Variants in ANKRD29 observed in about 807,000 individuals in gnomAD.
The protein encoded by ANKRD29 is ankyrin repeat domain 29, also known as ankyrin repeat domain-containing protein 29.
A neutral mutation model predicts 38.0 loss-of-function variants in ANKRD29; 32 were observed. The ratio of observed to expected loss-of-function variants is 0.84; its 90% CI spans 0.64 to 1.13. The LOEUF (loss-of-function observed/expected upper bound fraction) is 1.13, where lower values mean the gene tolerates loss of function less well. ANKRD29 is among the 50% of genes most tolerant of loss of function. The pLI is 0.00. For missense variants in ANKRD29, 357 were observed against 377.9 expected (o/e 0.94, Z 0.46); for synonymous variants, 135 against 152.4 (o/e 0.89, Z 0.84).
rs145970708 is a variant in ANKRD29, at chr18:23,662,896, G to A, written c.-166C>T. ...CAGCAGCCGCCGCACACAGGGCCGG[G>A]CCGAAGGGGCGGCGCGGGGGCGCGC... On this transcript the variant is annotated 5_prime_UTR_variant, in exon 1 of 10. Coordinates refer to ENST00000592179, the MANE Select transcript of ANKRD29 (RefSeq NM_173505.4). 1,396 of 457,920 alleles carry A rather than the reference G, an allele frequency of 3.0e-3. 9 individuals carry two copies. Among genetic ancestry groups the A allele is most frequent in the Admixed American group, 3.9e-3 (62 of 15,826 alleles). 28.4% of individuals were successfully genotyped at this position (457,920 alleles called of 1,614,324 possible). A position where few individuals can be genotyped will look rare whatever the true frequency, so the allele number is the denominator to read the frequency against.
intron 9 of ANKRD29, among the ~76,000 whole-genome samples, chr18:23,610,201 G>C (rs887025077): frequency 6.6e-6 from 1 of 152,180 alleles, no homozygotes; most frequent in Non-Finnish European, 1.5e-5. Context: ...TTTATGGCTG[G>C]GCGCAGTGGC....
At chr18:23,606,923 A>T (rs2059581826) in intron 9 of ANKRD29, among the ~76,000 whole-genome samples, 1 of 152,182 alleles carries the variant, frequency 6.6e-6, no homozygotes, top group South Asian at 2.1e-4. Context: ...AGCGGCAGGC[A>T]GTATCGGGGA....
chr18:23,660,912 G>T (rs1259234389), intron 1 of ANKRD29, among the ~76,000 whole-genome samples: 3 of 152,166 alleles, frequency 2.0e-5, no homozygotes, highest in African/African-American at 4.8e-5. Flanking sequence ...TTGCAATCTG[G>T]CTCCTGATCC....
rs1269340822 is a variant in ANKRD29, at chr18:23,634,069, G to A, written c.411C>T (p.Asn137=). The change falls in exon 5 of 10, where the codon AAC becomes AAT. Residue 137 remains asparagine (N), a synonymous_variant. Transcript: ENST00000592179. Reference sequence around the variant, plus strand: ...CACTCACATAAAGTTGGTCATGGATGTTTGCTCCGTGCTTCAGCAAGGTCT... The same window carrying A: ...CACTCACATAAAGTTGGTCATGGATATTTGCTCCGTGCTTCAGCAAGGTCT... The part of the protein sequence containing the change: ...VVETLLKHGA[N]IHDQLYDGAT... The A allele has an allele frequency of 6.2e-7, 1 of 1,614,136 alleles. No individual in the cohort carries two copies. The highest frequency in any genetic ancestry group is 2.2e-5 in the East Asian group (1 of 44,876).
rs1568026786 is a variant in ANKRD29, at chr18:23,629,827, GGGCAAATGTCAACAGT to G, written c.528+10_528+25del. The G allele has an allele frequency of 6.2e-7, 1 of 1,604,044 alleles. No homozygotes were observed. The highest frequency in any genetic ancestry group is 1.7e-5 in the Admixed American group (1 of 59,514). The stretch of plus-strand genomic sequence containing the variant: ...TCCCTGCCCCATGCGCCATGTGCTC[GGGCAAATGTCAACAGT>G]GGACATTACCTGCCTTGGCTGGTTG... On this transcript the variant is annotated intron_variant, in intron 6 of 9. Transcript: ENST00000592179.
intron 1 of ANKRD29, among the ~76,000 whole-genome samples, chr18:23,660,588 G>A (rs1034585257): frequency 2.0e-5 from 3 of 152,064 alleles, no homozygotes; most frequent in East Asian, 1.9e-4. Flanking sequence ...GGGCGATCAC[G>A]TGAGGTCAGG....
At chr18:23,615,957 A>G (rs1015156089) in intron 8 of ANKRD29, among the ~76,000 whole-genome samples, 4 of 144,380 alleles carry the variant, frequency 2.8e-5, no homozygotes, top group Non-Finnish European at 6.0e-5. Context: ...TATACATACT[A>G]TATGTATGTA....
intron 6 of ANKRD29, among the ~76,000 whole-genome samples, chr18:23,622,271 T>C (rs578256540): frequency 2.0e-5 from 3 of 151,672 alleles, no homozygotes; most frequent in Non-Finnish European, 4.4e-5. Context: ...TCATGCAGGG[T>C]GGGAAATCTA....
In ANKRD29 at chr18:23,619,530, C is replaced by T; in HGVS notation, c.627+1G>A. The stretch of plus-strand genomic sequence containing the variant: ...TTTGGCCGCGCGACTCGGGCACTCA[C>T]GTTCCGCGCAGCGTCGCGGTCGGCT... On this transcript the variant is annotated splice_donor_variant, in intron 7 of 9. Transcript: ENST00000592179. LOFTEE classifies it high-confidence loss of function. 1.3e-6 allele frequency: 2 copies of T among 1,588,620 alleles called. No homozygotes were observed. Among genetic ancestry groups the T allele is most frequent in the South Asian group, 1.1e-5 (1 of 89,330 alleles).
chr18:23,644,026 G>C (rs749347710), intron 3 of ANKRD29, among the ~76,000 whole-genome samples: 91 of 152,204 alleles, frequency 6.0e-4, no homozygotes, highest in Non-Finnish European at 9.3e-4. Context: ...AGGAAATTCA[G>C]GGACTGCCAG....
chr18:23,615,333 A>T (rs1428816776), intron 8 of ANKRD29, among the ~76,000 whole-genome samples: 1 of 152,050 alleles, frequency 6.6e-6, no homozygotes, highest in Admixed American at 6.6e-5. Context: ...AAATGATTTT[A>T]AAAAGATTAA....
intron 1 of ANKRD29, 53 bp downstream of exon 1, chr18:23,662,657 C>T: frequency 8.3e-7 from 1 of 1,203,650 alleles, no homozygotes; most frequent in African/African-American, 1.8e-5. Context: ...ACCCCGCGGG[C>T]CCGGCCGCCC....
Position 23,638,850 on chromosome 18 carries a change from T to G in ANKRD29, c.329A>C (p.Lys110Thr). Residue 110 changes from lysine to threonine, a missense_variant and splice_region_variant, in exon 4 of 10, where the codon AAA (lysine) becomes ACA (threonine). Physicochemically the swap from Lys to Thr is moderately conservative, Grantham distance 78 (BLOSUM62 -1). Transcript: ENST00000592179. The stretch of plus-strand genomic sequence containing the variant: ...ACAAAATCAAGAAGGTTATCTCACT[T>G]TGGTCCTAAATTCAGTGGATGCTCC... Reference protein sequence around the residue: ...GFGASTEFRTKDGGTALLAAS... With the variant: ...GFGASTEFRTTDGGTALLAAS... 6.2e-7 allele frequency: 1 copy of G among 1,606,114 alleles called. No individual in the cohort carries two copies. The highest frequency in any genetic ancestry group is 8.5e-7 in the Non-Finnish European group (1 of 1,177,360).
At chr18:23,639,529 A>AT (rs11310206) in intron 3 of ANKRD29, among the ~76,000 whole-genome samples, 2,664 of 120,332 alleles carry the variant, frequency 0.022, 43 homozygotes, top group Non-Finnish European at 0.026. Flanking sequence ...TTTTACTGTG[A>AT]TTTTTTTTTT....
intron 1 of ANKRD29, among the ~76,000 whole-genome samples, chr18:23,660,531 G>T (rs931396880): frequency 6.6e-6 from 1 of 152,228 alleles, no homozygotes; most frequent in South Asian, 2.1e-4. Flanking sequence ...TCTGGGTTGG[G>T]TGCCGTGGCT....
chr18:23,622,543 T>C (rs138129882), intron 6 of ANKRD29, among the ~76,000 whole-genome samples: 2,663 of 152,252 alleles, frequency 0.017, 282 homozygotes, highest in Admixed American at 0.16. Flanking sequence ...AAAGGTGCTA[T>C]ATTGTGAAAA....
At chr18:23,654,971 G>C (rs1283593869) in intron 1 of ANKRD29, among the ~76,000 whole-genome samples, 1 of 152,160 alleles carries the variant, frequency 6.6e-6, no homozygotes, top group Non-Finnish European at 1.5e-5. Flanking sequence ...ATTCAATCAA[G>C]AGAATATTAG....
In ANKRD29 at chr18:23,612,159, A is replaced by G. The variant is rs2059651311; in HGVS notation, c.755T>C (p.Leu252Pro). 1.2e-6 allele frequency: 2 copies of G among 1,613,946 alleles called. No individual in the cohort carries two copies. Among genetic ancestry groups the G allele is most frequent in the African/African-American group, 2.7e-5 (2 of 74,924 alleles). ...CGCAACTGTTTTAATGTTTCCACTG[A>G]GCACTGCTGCATGGAGCGCTGATGT... Reference protein sequence around the residue: ...NGTSALHAAVLSGNIKTVALL... With the variant: ...NGTSALHAAVPSGNIKTVALL... Residue 252 changes from leucine (L) to proline (P), a missense_variant, in exon 9 of 10, where the codon CTC becomes CCC. By Grantham distance (98) the Leu-to-Pro change is moderately conservative. Transcript: ENST00000592179.
At chr18:23,622,376 G>C (rs1419945085) in intron 6 of ANKRD29, among the ~76,000 whole-genome samples, 1 of 152,074 alleles carries the variant, frequency 6.6e-6, no homozygotes, top group Non-Finnish European at 1.5e-5. Flanking sequence ...TTCTCCCTCC[G>C]TGCCTGCTCT....
Sources: allele counts gnomAD v4.1 joint callset (sites outside exome capture counted in the v4.1 genomes callset), GRCh38; gene constraint gnomAD v4.1.1; transcripts MANE v1.5; gene names NCBI Gene and HGNC (gene_info 2026-07-23, HGNC 2026-07-21).